Variants in CAMK2D observed in about 807,000 individuals in gnomAD.
CAMK2D encodes calcium/calmodulin dependent protein kinase II delta.
In CAMK2D, 37 loss-of-function variants were observed where a neutral mutation model predicts 84.0. That is an observed-to-expected ratio of 0.44 (90% CI 0.34 to 0.58). The LOEUF is 0.58. Among genes scored for constraint, CAMK2D ranks in the 20% least tolerant of loss-of-function variants. The probability of loss-of-function intolerance (pLI) is 0.02; values close to 1 mark genes in which losing one functional copy is unlikely to be tolerated. For missense variants in CAMK2D, 448 were observed against 652.5 expected, an observed-to-expected ratio of 0.69 and a Z score of 3.41; for synonymous variants, 202 against 212.5, an observed-to-expected ratio of 0.95 and a Z score of 0.43.
intron 3 of CAMK2D, among the ~76,000 whole-genome samples, chr4:113,627,223 C>T (rs1311263261): frequency 6.6e-5 from 10 of 152,170 alleles, no homozygotes; most frequent in South Asian, 4.2e-4. Context: ...TATATAGAAA[C>T]GTGTTCCTCT....
At chr4:113,502,711 C>T (rs189161039) in intron 15 of CAMK2D, among the ~76,000 whole-genome samples, 1 of 152,208 alleles carries the variant, frequency 6.6e-6, no homozygotes, top group East Asian at 1.9e-4. Flanking sequence ...TTTAGCCTGA[C>T]TTTTATTGAC....
At chr4:113,549,655 T>C (rs1013489974) in intron 5 of CAMK2D, among the ~76,000 whole-genome samples, 45 of 152,338 alleles carry the variant, frequency 3.0e-4, no homozygotes, top group African/African-American at 9.6e-4. Flanking sequence ...ATAAGTTCAC[T>C]GTGCAATTCA....
intron 4 of CAMK2D, among the ~76,000 whole-genome samples, chr4:113,580,069 T>C (rs1398591731): frequency 6.6e-6 from 1 of 152,224 alleles, no homozygotes; most frequent in African/African-American, 2.4e-5. Flanking sequence ...CAATGAAAGA[T>C]ACTATCTCAT....
intron 2 of CAMK2D, among the ~76,000 whole-genome samples, chr4:113,708,174 C>T (rs776683954): frequency 1.3e-5 from 2 of 152,044 alleles, no homozygotes; most frequent in Non-Finnish European, 2.9e-5. Context: ...TTTTGAATAG[C>T]ACCATATTTC....
At chr4:113,732,870 AATATAGAT>A (rs2099572515) in intron 2 of CAMK2D, among the ~76,000 whole-genome samples, 2 of 152,270 alleles carry the variant, frequency 1.3e-5, no homozygotes, top group Admixed American at 6.5e-5. Context: ...ATATATTAGG[AATATAGAT>A]ATATTAGTGC....
At position 113,661,417 on chromosome 4, in the gene CAMK2D, T is replaced by C. The variant is rs577481801; in HGVS notation, c.220+296A>G. ...TTTATTCTTTAAATTACACTCAGGT[T>C]TTCCACTGGTTGGTACACAACTTTC... On this transcript the variant is annotated intron_variant, in intron 3 of 20. Coordinates refer to ENST00000511664, the MANE Select transcript of CAMK2D (RefSeq NM_001321571.2). Among the ~76,000 whole-genome samples, 36 of 152,242 alleles carry C rather than the reference T, an allele frequency of 2.4e-4. 2 individuals are homozygous for C. Among genetic ancestry groups the C allele is most frequent in the East Asian group, 1.5e-3 (8 of 5,180 alleles).
chr4:113,518,373 A>G (rs1423023198), intron 8 of CAMK2D, among the ~76,000 whole-genome samples: 1 of 152,192 alleles, frequency 6.6e-6, no homozygotes, highest in Non-Finnish European at 1.5e-5. Context: ...CACAAACATA[A>G]TTATTTATAA....
chr4:113,639,169 G>A (rs2099122024), intron 3 of CAMK2D, among the ~76,000 whole-genome samples: 1 of 151,478 alleles, frequency 6.6e-6, no homozygotes, highest in African/African-American at 2.4e-5. Flanking sequence ...TTGAGCCCAT[G>A]AATTTGAGGC....
intron 2 of CAMK2D, among the ~76,000 whole-genome samples, chr4:113,696,203 C>G (rs902362212): frequency 3.6e-5 from 5 of 139,194 alleles, no homozygotes; most frequent in African/African-American, 6.4e-5. Context: ...CAGACACACA[C>G]ACACACACAC....
intron 2 of CAMK2D, among the ~76,000 whole-genome samples, chr4:113,709,682 A>G (rs2099481913): frequency 1.4e-5 from 2 of 142,230 alleles, no homozygotes; most frequent in African/African-American, 5.3e-5. Context: ...CAATATTCCA[A>G]TCTGCTCTGC....
At chr4:113,630,905 A>G (rs2099087107) in intron 3 of CAMK2D, among the ~76,000 whole-genome samples, 1 of 152,164 alleles carries the variant, frequency 6.6e-6, no homozygotes, top group African/African-American at 2.4e-5. Context: ...TAATTTCATG[A>G]ATTTAGAAAG....
chr4:113,703,479 C>A (rs1418580983), intron 2 of CAMK2D, among the ~76,000 whole-genome samples: 1 of 152,178 alleles, frequency 6.6e-6, no homozygotes, highest in Non-Finnish European at 1.5e-5. Flanking sequence ...GCGTGAGCCA[C>A]TATGCCCAAC....
chr4:113,477,506 G>C (rs190713110), intron 16 of CAMK2D, among the ~76,000 whole-genome samples: 87 of 151,582 alleles, frequency 5.7e-4, no homozygotes, highest in African/African-American at 2.1e-3. Flanking sequence ...AGCACTTTGG[G>C]AGGCTGAGGT....
intron 16 of CAMK2D, among the ~76,000 whole-genome samples, chr4:113,473,901 T>G (rs1408259653): frequency 6.6e-6 from 1 of 152,206 alleles, no homozygotes; most frequent in African/African-American, 2.4e-5. Context: ...GGTCATGTTA[T>G]TCCTAAAATT....
At chr4:113,586,347 G>C (rs1270883623) in intron 4 of CAMK2D, among the ~76,000 whole-genome samples, 1 of 152,136 alleles carries the variant, frequency 6.6e-6, no homozygotes, top group South Asian at 2.1e-4. Flanking sequence ...AAGAGGACCT[G>C]AGACCAGCTG....
At chr4:113,669,946 A>G (rs1479611900) in intron 2 of CAMK2D, among the ~76,000 whole-genome samples, 2 of 152,222 alleles carry the variant, frequency 1.3e-5, no homozygotes, top group African/African-American at 4.8e-5. Flanking sequence ...TATCAGACAG[A>G]GTTCACACAG....
intron 2 of CAMK2D, among the ~76,000 whole-genome samples, chr4:113,758,616 T>C (rs1030656772): frequency 1.3e-5 from 2 of 152,180 alleles, no homozygotes; most frequent in South Asian, 2.1e-4. Flanking sequence ...GTAAGTACTT[T>C]TGCATGAGTT....
intron 4 of CAMK2D, 64 bp from the exon 5 acceptor site, chr4:113,552,160 T>C: frequency 3.4e-6 from 3 of 882,688 alleles, no homozygotes; most frequent in South Asian, 1.5e-5. Flanking sequence ...ATCAATAGAT[T>C]TGCAAATGTG....
chr4:113,485,376 A>G (rs1377075854), intron 16 of CAMK2D, among the ~76,000 whole-genome samples: 1 of 152,174 alleles, frequency 6.6e-6, no homozygotes. Context: ...CTCACTAAAT[A>G]TTTGCTGAAA....
Sources: allele counts gnomAD v4.1 joint callset (sites outside exome capture counted in the v4.1 genomes callset), GRCh38; gene constraint gnomAD v4.1.1; transcripts MANE v1.5; gene names NCBI Gene and HGNC (gene_info 2026-07-23, HGNC 2026-07-21).